Variants in NRXN3 observed in about 807,000 individuals in gnomAD.
NRXN3 encodes the protein neurexin 3.
A neutral mutation model predicts 137.6 loss-of-function variants in NRXN3; 32 were observed. That is an observed-to-expected ratio of 0.23 (90% CI 0.18 to 0.31). The LOEUF (loss-of-function observed/expected upper bound fraction) is 0.31. Ranked by LOEUF, NRXN3 falls within the 10% of genes least tolerant of loss-of-function variation. The pLI, the probability that NRXN3 is intolerant of heterozygous loss-of-function variation, is 1.00. For missense variants in NRXN3, 1,574 were observed against 2,062.5 expected (o/e 0.76, Z 4.59); for synonymous variants, 798 against 784.5 (o/e 1.02, Z -0.29).
At chr14:78,555,385 G>A (rs1233347043) in intron 4 of NRXN3, among the ~76,000 whole-genome samples, 2 of 152,170 alleles carry the variant, frequency 1.3e-5, no homozygotes, top group Non-Finnish European at 2.9e-5. Context: ...CAGAGGAATA[G>A]AATTGGCTCT....
intron 8 of NRXN3, among the ~76,000 whole-genome samples, chr14:78,777,715 G>T (rs1001050584): frequency 6.6e-6 from 1 of 152,120 alleles, no homozygotes; most frequent in African/African-American, 2.4e-5. Context: ...AAAAAATTAG[G>T]TGGTGCCTTT....
At chr14:79,400,458 C>T (rs2095161355) in intron 15 of NRXN3, among the ~76,000 whole-genome samples, 1 of 152,066 alleles carries the variant, frequency 6.6e-6, no homozygotes, top group Non-Finnish European at 1.5e-5. Context: ...ATGATTTTTT[C>T]CATTGTATAG....
chr14:78,416,489 C>T (rs1016940091), intron 4 of NRXN3, among the ~76,000 whole-genome samples: 4 of 152,150 alleles, frequency 2.6e-5, no homozygotes, highest in African/African-American at 9.7e-5. Flanking sequence ...TCAAATTGAT[C>T]TAGAGTTGTC....
At chr14:79,369,430 A>T (rs1462958117) in intron 15 of NRXN3, among the ~76,000 whole-genome samples, 1 of 152,204 alleles carries the variant, frequency 6.6e-6, no homozygotes, top group African/African-American at 2.4e-5. Flanking sequence ...GGTGTATAAC[A>T]AATCTTTTAT....
intron 4 of NRXN3, among the ~76,000 whole-genome samples, chr14:78,605,804 T>C (rs2097246569): frequency 6.6e-6 from 1 of 152,188 alleles, no homozygotes; most frequent in South Asian, 2.1e-4. Context: ...TCAGTTTTCA[T>C]TGGTGTACAA....
chr14:79,422,029 T>C (rs7150974), intron 15 of NRXN3, among the ~76,000 whole-genome samples: 41,695 of 151,988 alleles, frequency 0.27, 6,659 homozygotes, highest in Admixed American at 0.38. Flanking sequence ...CATTTCAAAG[T>C]TACATGTAGA....
chr14:79,442,445 A>G (rs1200183505), intron 15 of NRXN3, among the ~76,000 whole-genome samples: 2 of 152,194 alleles, frequency 1.3e-5, no homozygotes, highest in African/African-American at 2.4e-5. Context: ...TGCTAAATTT[A>G]TCAACTGGTT....
At chr14:79,604,142 C>T (rs566127034) in intron 16 of NRXN3, among the ~76,000 whole-genome samples, 4 of 152,082 alleles carry the variant, frequency 2.6e-5, no homozygotes, top group African/African-American at 4.8e-5. Context: ...CTGCCCGCCT[C>T]GGCCTCCCAA....
intron 15 of NRXN3, among the ~76,000 whole-genome samples, chr14:79,173,860 A>G (rs2062033676): frequency 6.6e-6 from 1 of 152,122 alleles, no homozygotes. Context: ...TGGCTTCTCC[A>G]CCTTAAGGCA....
At chr14:78,861,262 C>T (rs1031904340) in intron 10 of NRXN3, among the ~76,000 whole-genome samples, 6 of 152,046 alleles carry the variant, frequency 3.9e-5, no homozygotes, top group Non-Finnish European at 8.8e-5. Flanking sequence ...TTATTCTGAA[C>T]ATTAATTTGC....
At position 79,402,169 on chromosome 14, in the gene NRXN3, C is replaced by T. The variant is rs186896147; in HGVS notation, c.3263-65052C>T. Among the ~76,000 whole-genome samples, 6 of 152,254 alleles carry T rather than the reference C, an allele frequency of 3.9e-5. No homozygotes were observed. The East Asian group carries it at 1.2e-3, about 29-fold the overall frequency. The stretch of plus-strand genomic sequence containing the variant: ...AGGCTGGCCTAGAACTCCCTGGGCT[C>T]AAGTGATCCTCCCACCTTGGCCTCC... On this transcript the variant is annotated intron_variant, in intron 15 of 20. Coordinates refer to ENST00000335750, the MANE Select transcript of NRXN3 (RefSeq NM_001330195.2).
intron 19 of NRXN3, among the ~76,000 whole-genome samples, chr14:79,782,794 T>C (rs964632372): frequency 1.3e-5 from 2 of 152,144 alleles, no homozygotes; most frequent in African/African-American, 4.8e-5. Flanking sequence ...GAGAAACCCA[T>C]AGGGTGGAAT....
At chr14:78,782,229 A>T (rs2098772497) in intron 8 of NRXN3, among the ~76,000 whole-genome samples, 1 of 152,210 alleles carries the variant, frequency 6.6e-6, no homozygotes, top group South Asian at 2.1e-4. Flanking sequence ...CAGCTCCTCC[A>T]TAGAGTAGAA....
intron 10 of NRXN3, among the ~76,000 whole-genome samples, chr14:78,927,244 G>A (rs1296278743): frequency 6.6e-6 from 1 of 151,034 alleles, no homozygotes; most frequent in Non-Finnish European, 1.5e-5. Flanking sequence ...CTTTCCTTAT[G>A]GAGCCCACAT....
intron 16 of NRXN3, among the ~76,000 whole-genome samples, chr14:79,634,010 TA>T (rs879530622): frequency 1.4e-3 from 195 of 135,530 alleles, no homozygotes; most frequent in African/African-American, 2.7e-3. Flanking sequence ...CAAAACCACT[TA>T]AAAAAAAAAA....
intron 4 of NRXN3, among the ~76,000 whole-genome samples, chr14:78,376,282 C>T (rs925554677): frequency 6.6e-6 from 1 of 152,170 alleles, no homozygotes; most frequent in African/African-American, 2.4e-5. Flanking sequence ...TGGCATACCC[C>T]ATCTAAAGAG....
At chr14:79,019,350 T>A (rs985879343) in intron 15 of NRXN3, among the ~76,000 whole-genome samples, 22 of 152,226 alleles carry the variant, frequency 1.4e-4, no homozygotes, top group African/African-American at 5.3e-4. Flanking sequence ...AGATTGTAAA[T>A]TCAAGTATTA....
At chr14:78,331,042 G>A (rs553332458) in intron 4 of NRXN3, among the ~76,000 whole-genome samples, 1 of 152,218 alleles carries the variant, frequency 6.6e-6, no homozygotes, top group South Asian at 2.1e-4. Context: ...ATTTTAAAGG[G>A]TCAGGGCTCT....
At chr14:79,226,173 G>A in intron 15 of NRXN3, among the ~76,000 whole-genome samples, 1 of 152,080 alleles carries the variant, frequency 6.6e-6, no homozygotes, top group East Asian at 1.9e-4. Context: ...TCCCCATCAC[G>A]ACAGAGTAGA....
Sources: gnomAD v4.1 joint callset for allele counts (sites outside exome capture counted in the v4.1 genomes callset) on GRCh38, gnomAD v4.1.1 for gene constraint, MANE v1.5 for transcripts, NCBI Gene and HGNC (gene_info 2026-07-23, HGNC 2026-07-21) for gene names.